The following RHOBTB3 variants were observed in gnomAD, a reference collection of about 807,000 sequenced individuals.
RHOBTB3 encodes the protein Rho related BTB domain containing 3.
In RHOBTB3, 47 loss-of-function variants were observed where a neutral mutation model predicts 67.2. That is an observed-to-expected ratio of 0.70 (90% CI 0.55 to 0.89). RHOBTB3 has a LOEUF of 0.89. RHOBTB3 is among the 40% of genes least tolerant of loss of function. The pLI, the probability that RHOBTB3 is intolerant of heterozygous loss-of-function variation, is 0.00. For synonymous variants in RHOBTB3, 273 were observed against 274.2 expected (o/e 1.00, Z 0.04); for missense variants, 631 against 750.0 (o/e 0.84, Z 1.85).
Position 95,783,915 on chromosome 5 carries a change from A to G in RHOBTB3, c.1575A>G (p.Glu525=). The change falls in exon 10 of 12, where the codon GAA becomes GAG. Residue 525 remains glutamate (E), a synonymous_variant. Coordinates refer to ENST00000379982, the MANE Select transcript of RHOBTB3 (RefSeq NM_014899.4). ...ITQLQSMPSR[E]LASMNLDIVD... ...AGCTGCAGAGCATGCCAAGCAGGGA[A>G]CTGGCATCCATGAACCTTGATATAG... 1 of 1,613,996 alleles carries G rather than the reference A, an allele frequency of 6.2e-7. No individual in the cohort carries two copies. The highest frequency in any genetic ancestry group is 8.5e-7 in the Non-Finnish European group (1 of 1,179,868).
At chr5:95,738,446 T>C (rs906025232) in intron 3 of RHOBTB3, among the ~76,000 whole-genome samples, 1 of 152,220 alleles carries the variant, frequency 6.6e-6, no homozygotes, top group African/African-American at 2.4e-5. Flanking sequence ...TGGCACAGTG[T>C]TGGGCAGTGA....
chr5:95,786,426 T>G lies in RHOBTB3; in HGVS notation c.1624-2336T>G, dbSNP rs1290302484. ...ATGAGCAGTGTGGGTATTCTCTCAC[T>G]TCTCTGTCCATTTTCCCCTAACCTC... is the stretch of plus-strand genomic sequence containing the variant. On this transcript the variant is annotated intron_variant, in intron 10 of 11. Transcript: ENST00000379982. Among the ~76,000 whole-genome samples, 3 of 152,224 alleles carry G rather than the reference T, an allele frequency of 2.0e-5. No homozygotes were observed. In the East Asian group the frequency reaches 5.8e-4, roughly 29 times the overall value.
chr5:95,733,164 G>T (rs191140970), intron 2 of RHOBTB3, among the ~76,000 whole-genome samples: 1 of 152,300 alleles, frequency 6.6e-6, no homozygotes, highest in Non-Finnish European at 1.5e-5. Flanking sequence ...TTCAGTTAAA[G>T]AAGAAAGTTA....
intron 1 of RHOBTB3, among the ~76,000 whole-genome samples, chr5:95,724,999 C>A (rs1163766083): frequency 6.6e-6 from 1 of 151,640 alleles, no homozygotes; most frequent in African/African-American, 2.4e-5. Flanking sequence ...AAAAGTGAGA[C>A]CCCATGTCTT....
chr5:95,727,752 A>G (rs564694955), upstream of RHOBTB3, among the ~76,000 whole-genome samples: 3 of 152,392 alleles, frequency 2.0e-5, no homozygotes, highest in African/African-American at 7.2e-5. Flanking sequence ...AAATTATGAA[A>G]AGATCTTTAG....
At chr5:95,733,336 C>A (rs530908702) in intron 2 of RHOBTB3, among the ~76,000 whole-genome samples, 6 of 152,234 alleles carry the variant, frequency 3.9e-5, no homozygotes, top group African/African-American at 1.4e-4. Context: ...TGGGATCTTT[C>A]GTTGTGAAAG....
At chr5:95,790,758 G>C (rs1345386561) in intron 11 of RHOBTB3, among the ~76,000 whole-genome samples, 1 of 152,208 alleles carries the variant, frequency 6.6e-6, no homozygotes, top group Admixed American at 6.5e-5. Context: ...GCGCCTTTTG[G>C]ATAAGGGAGA....
intron 6 of RHOBTB3, chr5:95,756,068 C>G (rs1745236416): frequency 3.8e-6 from 1 of 262,776 alleles, no homozygotes. Flanking sequence ...TAAACACATT[C>G]ATAATGTTGT....
intron 9 of RHOBTB3, chr5:95,781,203 C>G (rs943834165): frequency 2.6e-5 from 4 of 152,198 alleles, no homozygotes; most frequent in African/African-American, 9.7e-5. Flanking sequence ...AGTCTTCAGC[C>G]TTTGGCCACC....
In RHOBTB3 at chr5:95,734,303, T is replaced by A. The variant is rs568716694; in HGVS notation, c.228+2219T>A. ...CTGTAGAAATTCAGATTTTTTTTTT[T>A]AAAAGATGAGTTCAATTCTCCAAAT... On this transcript the variant is annotated intron_variant, in intron 2 of 11. Coordinates refer to ENST00000379982, the MANE Select transcript of RHOBTB3 (RefSeq NM_014899.4). 6.6e-5 allele frequency among the ~76,000 whole-genome samples: 10 copies of A among 152,204 alleles called. No homozygotes were observed. The South Asian group carries it at 8.3e-4, about 13-fold the overall frequency.
At chr5:95,723,713 T>A (rs1220813684) in intron 1 of RHOBTB3, among the ~76,000 whole-genome samples, 1 of 152,212 alleles carries the variant, frequency 6.6e-6, no homozygotes, top group African/African-American at 2.4e-5. Flanking sequence ...CTTTTCCCTA[T>A]CTCTCCTTTA....
At chr5:95,764,152 A>G (rs1025043310) in intron 7 of RHOBTB3, among the ~76,000 whole-genome samples, 3 of 152,172 alleles carry the variant, frequency 2.0e-5, no homozygotes, top group Admixed American at 2.0e-4. Flanking sequence ...AATACATGTG[A>G]GTCATGTCTT....
In RHOBTB3 at chr5:95,793,235, G is replaced by A. The variant is rs749966875; in HGVS notation, c.*61G>A. On this transcript the variant is annotated 3_prime_UTR_variant, in exon 12 of 12. Coordinates refer to ENST00000379982, the MANE Select transcript of RHOBTB3 (RefSeq NM_014899.4). Reference sequence around the variant, plus strand: ...ATTATGAAGAATGGGATACCTCCAGGTTCCAGTAAAATTCTTCTGACCGAA... The same window carrying A: ...ATTATGAAGAATGGGATACCTCCAGATTCCAGTAAAATTCTTCTGACCGAA... 2.8e-5 allele frequency: 31 copies of A among 1,121,656 alleles called. No individual in the cohort carries two copies. The highest frequency in any genetic ancestry group is 3.8e-5 in the Non-Finnish European group (29 of 773,172). The allele number at this position is 1,121,656 out of a possible 1,614,324, so 69.5% of individuals were successfully genotyped here. A position where few individuals can be genotyped will look rare whatever the true frequency, so the allele number is the denominator to read the frequency against.
chr5:95,763,784 G>A (rs927715884), intron 7 of RHOBTB3, among the ~76,000 whole-genome samples, 164 bp downstream of exon 7: 1 of 148,040 alleles, frequency 6.8e-6, no homozygotes, highest in African/African-American at 2.5e-5. Context: ...CATAAACATG[G>A]GTTATTTGTA....
At chr5:95,746,933 G>A (rs534959707) in intron 3 of RHOBTB3, among the ~76,000 whole-genome samples, 32 of 152,282 alleles carry the variant, frequency 2.1e-4, no homozygotes, top group South Asian at 1.2e-3. Flanking sequence ...GCGTATACCC[G>A]ATATTTACAT....
intron 3 of RHOBTB3, among the ~76,000 whole-genome samples, chr5:95,739,442 C>A (rs1195327386): frequency 1.3e-5 from 2 of 152,162 alleles, no homozygotes; most frequent in East Asian, 3.9e-4. Context: ...AGGAAAAAAA[C>A]CCACAAAATA....
chr5:95,753,253 G>GTT (rs1479650020), intron 5 of RHOBTB3, among the ~76,000 whole-genome samples: 2 of 151,624 alleles, frequency 1.3e-5, no homozygotes, highest in African/African-American at 4.9e-5. Flanking sequence ...GTGTGTGTGT[G>GTT]TGTGTGTGTG....
rs750624755 is a variant in RHOBTB3 at position 95,717,681 on chromosome 5, T to A, written n.49T>A. The A allele has an allele frequency of 3.3e-5, 5 of 152,132 alleles. No homozygotes were observed. In the East Asian group the frequency reaches 9.6e-4, roughly 29 times the overall value. 9.4% of individuals were successfully genotyped at this position (152,132 alleles called of 1,614,324 possible). ...CAGAGGCCAAAGGAATCTGTCGATA[T>A]ACAAGCTAGCTTCCCAGTGGATGGA... On this transcript the variant is annotated non_coding_transcript_exon_variant, in exon 1 of 6. Transcript: ENST00000504949.
chr5:95,751,653 A>C (rs989865890), intron 4 of RHOBTB3, among the ~76,000 whole-genome samples: 7 of 152,082 alleles, frequency 4.6e-5, no homozygotes, highest in Non-Finnish European at 1.0e-4. Flanking sequence ...AACATAGTAC[A>C]TGGTAGATAG....
Sources: allele counts gnomAD v4.1 joint callset (sites outside exome capture counted in the v4.1 genomes callset), GRCh38; gene constraint gnomAD v4.1.1; transcripts MANE v1.5; gene names NCBI Gene and HGNC (gene_info 2026-07-23, HGNC 2026-07-21).